Variants in EIF4E3 observed in about 807,000 individuals in gnomAD.
The protein encoded by EIF4E3 is eukaryotic translation initiation factor 4E type 3.
A neutral mutation model predicts 31.7 loss-of-function variants in EIF4E3; 26 were observed. The ratio of observed to expected loss-of-function variants is 0.82; its 90% confidence interval spans 0.60 to 1.14. EIF4E3 has a LOEUF of 1.14. Ranked by LOEUF, EIF4E3 falls within the 50% of genes most tolerant of loss-of-function variation. The pLI, the probability that EIF4E3 is intolerant of heterozygous loss-of-function variation, is 0.00. For synonymous variants in EIF4E3, 128 were observed against 107.7 expected, an observed-to-expected ratio of 1.19 and a Z score of -1.17; for missense variants, 304 against 270.9, an observed-to-expected ratio of 1.12 and a Z score of -0.86.
chr3:71,664,449 A>G, the EIF4E3 span, among the ~76,000 whole-genome samples: 2 of 152,012 alleles, frequency 1.3e-5, no homozygotes, highest in Non-Finnish European at 1.5e-5. Flanking sequence ...AGCTGTAGGA[A>G]TGGGTCACTT....
chr3:71,727,529 T>C (rs1349016772), upstream of EIF4E3, among the ~76,000 whole-genome samples: 1 of 152,222 alleles, frequency 6.6e-6, no homozygotes, highest in Non-Finnish European at 1.5e-5. Context: ...ATATAAATAA[T>C]GCTACCATAA....
At chr3:71,722,077 C>G (rs1398871591) in intron 1 of EIF4E3, among the ~76,000 whole-genome samples, 1 of 140,290 alleles carries the variant, frequency 7.1e-6, no homozygotes, top group Non-Finnish European at 1.5e-5. Flanking sequence ...TTCCTGTAAG[C>G]CCTTTGGCTT....
intron 1 of EIF4E3, among the ~76,000 whole-genome samples, chr3:71,715,661 A>G (rs1054201124): frequency 5.9e-5 from 9 of 152,332 alleles, no homozygotes; most frequent in Non-Finnish European, 1.2e-4. Flanking sequence ...TGGAGCTGAG[A>G]ACACAGCAAT....
At chr3:71,752,400 GA>G (rs796860366) in intron 1 of EIF4E3, among the ~76,000 whole-genome samples, 33 of 152,232 alleles carry the variant, frequency 2.2e-4, no homozygotes, top group African/African-American at 7.0e-4. Context: ...CTTCTCAAAA[GA>G]TTTCAAGGGC....
At chr3:71,754,395 G>A (rs56266502), upstream of EIF4E3, 2 of 1,346,918 alleles carry the variant, frequency 1.5e-6, no homozygotes, top group Non-Finnish European at 1.9e-6. The surrounding 1 kb of genome is among the most constrained non-coding windows in gnomAD (Gnocchi z 5.8). Context: ...GCTGCTGGGC[G>A]TGGGCGTCAC....
At chr3:71,670,253 A>G in the EIF4E3 span, among the ~76,000 whole-genome samples, 3 of 152,234 alleles carry the variant, frequency 2.0e-5, no homozygotes, top group African/African-American at 4.8e-5. Context: ...CATTTTCTTT[A>G]GAAAATTTCC....
intron 6 of EIF4E3, among the ~76,000 whole-genome samples, chr3:71,684,947 C>T (rs753513583): frequency 6.6e-6 from 1 of 152,108 alleles, no homozygotes; most frequent in African/African-American, 2.4e-5. Flanking sequence ...AATAAACAAG[C>T]AATGGGCATG....
rs916511436 is a variant in EIF4E3, at chr3:71,679,229, T to C, written c.*5453A>G. ...CTTCATTAAAAGTTGCTTATTTGTA[T>C]GTGAAAAGATGAGAGGTAGCATAAA... On this transcript the variant is annotated 3_prime_UTR_variant, in exon 7 of 7. Transcript: ENST00000425534. 2.0e-5 allele frequency: 3 copies of C among 152,202 alleles called. No homozygotes were observed. The highest frequency in any genetic ancestry group is 7.2e-5 in the African/African-American group (3 of 41,458). 9.4% of individuals were successfully genotyped at this position (152,202 alleles called of 1,614,324 possible).
chr3:71,667,430 G>A, the EIF4E3 span, among the ~76,000 whole-genome samples: 1 of 152,150 alleles, frequency 6.6e-6, no homozygotes, highest in Non-Finnish European at 1.5e-5. Flanking sequence ...AGAAATAAAG[G>A]TATTTAAATA....
chr3:71,684,779 G>T, intron 6 of EIF4E3, 51 bp from the exon 7 acceptor site: 1 of 1,592,930 alleles, frequency 6.3e-7, no homozygotes, highest in Non-Finnish European at 8.6e-7. Flanking sequence ...AAAACTTTAA[G>T]CAAAGGATGG....
intron 6 of EIF4E3, 64 bp downstream of exon 6, chr3:71,689,946 G>C (rs1479768101): frequency 1.5e-6 from 2 of 1,375,246 alleles, no homozygotes; most frequent in Non-Finnish European, 1.9e-6. Context: ...TTGCAAAACA[G>C]TTTCTATCTT....
chr3:71,731,040 T>C (rs898299297), intron 1 of EIF4E3, among the ~76,000 whole-genome samples: 13 of 152,100 alleles, frequency 8.5e-5, no homozygotes, highest in African/African-American at 2.9e-4. Context: ...TCCTTCTTTA[T>C]TCCCACTGGT....
chr3:71,699,982 G>A (rs1479764489), intron 2 of EIF4E3, among the ~76,000 whole-genome samples: 1 of 152,118 alleles, frequency 6.6e-6, no homozygotes, highest in Non-Finnish European at 1.5e-5. Flanking sequence ...AGACCAACCT[G>A]GGCAATGTGG....
intron 1 of EIF4E3, among the ~76,000 whole-genome samples, chr3:71,716,903 C>A (rs77904874): frequency 0.013 from 2,051 of 152,306 alleles, 47 homozygotes; most frequent in African/African-American, 0.047. Flanking sequence ...TCCATTCAGA[C>A]TTCCCAAATA....
rs752533191 is a variant in EIF4E3 at position 71,684,696 on chromosome 3, G to A, written c.661C>T (p.Arg221Cys). The A allele has an allele frequency of 2.0e-5, 32 of 1,613,558 alleles. No homozygotes were observed. In the East Asian group the frequency reaches 2.2e-4, roughly 11 times the overall value. ...HEEHHAFEGG[R>C]GKH is the part of the protein sequence containing the mutation. ...ACAGAGTGCAATTAGTGTTTTCCACGTCCACCTTCAAAAGCATGATGCTCT... is the reference window on the plus strand; with the variant it reads ...ACAGAGTGCAATTAGTGTTTTCCACATCCACCTTCAAAAGCATGATGCTCT... The change falls in exon 7 of 7, where the codon CGT becomes TGT. Residue 221 changes from arginine (R) to cysteine (C), a missense_variant. Transcript: ENST00000425534.
At chr3:71,743,373 T>C (rs189748974) in intron 1 of EIF4E3, among the ~76,000 whole-genome samples, 3 of 152,216 alleles carry the variant, frequency 2.0e-5, no homozygotes, top group Admixed American at 6.5e-5. Flanking sequence ...AAAAATACCA[T>C]TCATAAAAGT....
chr3:71,667,067 G>T, the EIF4E3 span, among the ~76,000 whole-genome samples: 1 of 152,162 alleles, frequency 6.6e-6, no homozygotes, highest in East Asian at 1.9e-4. Context: ...AATCAAGTTG[G>T]CTTCATCCCT....
chr3:71,735,674 G>T (rs564104987), intron 1 of EIF4E3, among the ~76,000 whole-genome samples: 3 of 152,180 alleles, frequency 2.0e-5, no homozygotes, highest in Non-Finnish European at 4.4e-5. Context: ...TTGTGGGGAG[G>T]TTATTAGAGC....
upstream of EIF4E3, chr3:71,725,482 A>AGCCGCCC (rs765946804): frequency 0.035 from 15,944 of 452,870 alleles, 992 homozygotes; most frequent in African/African-American, 0.18. This position sits in a 1 kb window ranked among gnomAD's most constrained non-coding sequence, Gnocchi z 6.1. Flanking sequence ...GCCCCGGGCT[A>AGCCGCCC]GCCGCCCGCC....
Sources: allele counts gnomAD v4.1 joint callset (sites outside exome capture counted in the v4.1 genomes callset), GRCh38; gene constraint gnomAD v4.1.1; non-coding constraint Gnocchi (gnomAD v3.1); transcripts MANE v1.5; gene names NCBI Gene and HGNC (gene_info 2026-07-23, HGNC 2026-07-21).